The following EXOC6B variants were observed in gnomAD, a reference collection of about 807,000 sequenced individuals.
EXOC6B encodes exocyst complex component 6B.
In EXOC6B, 54 loss-of-function variants were observed where a neutral mutation model predicts 113.5. That is an observed-to-expected ratio of 0.48 (90% CI 0.38 to 0.60). EXOC6B has a LOEUF of 0.60. EXOC6B is among the 20% of genes least tolerant of loss of function. The probability of loss-of-function intolerance (pLI) is 0.00; values close to 1 mark genes in which losing one functional copy is unlikely to be tolerated. For missense variants in EXOC6B, 797 were observed against 977.5 expected (o/e 0.82, Z 2.46); for synonymous variants, 357 against 339.0 (o/e 1.05, Z -0.58).
At chr2:72,801,278 A>C (rs1237007605) in intron 1 of EXOC6B, among the ~76,000 whole-genome samples, 1 of 152,188 alleles carries the variant, frequency 6.6e-6, no homozygotes, top group Admixed American at 6.5e-5. Flanking sequence ...TGTATGTTTG[A>C]TAACATACAT....
chr2:72,546,083 C>G lies in EXOC6B; in HGVS notation c.915+13370G>C, dbSNP rs141904012. The stretch of plus-strand genomic sequence containing the variant: ...AATCTTCAGATTAGAGTGGGAGAAC[C>G]ATGTTCTAGGAAGATTATTGACCAT... On this transcript the variant is annotated intron_variant, in intron 8 of 21. Coordinates refer to ENST00000272427, the MANE Select transcript of EXOC6B (RefSeq NM_015189.3). Among the ~76,000 whole-genome samples, 419 of 152,244 alleles carry G rather than the reference C, an allele frequency of 2.8e-3. 1 individual carries two copies. The highest frequency in any genetic ancestry group is 9.7e-3 in the African/African-American group (404 of 41,548).
chr2:72,743,188 G>A (rs1318907877), intron 1 of EXOC6B, among the ~76,000 whole-genome samples: 4 of 151,914 alleles, frequency 2.6e-5, no homozygotes, highest in Non-Finnish European at 2.9e-5. Context: ...ACTAAAACAC[G>A]ATCTAAATCT....
At chr2:72,465,489 T>C in intron 17 of EXOC6B, 150 bp from the exon 18 acceptor site, 1 of 652,296 alleles carries the variant, frequency 1.5e-6, no homozygotes, top group African/African-American at 1.8e-5. Context: ...TCTTTAATTT[T>C]TTCTTTTTCA....
chr2:72,383,127 G>T (rs984788584), intron 18 of EXOC6B, among the ~76,000 whole-genome samples: 3 of 152,036 alleles, frequency 2.0e-5, no homozygotes, highest in Admixed American at 6.6e-5. Flanking sequence ...TGTAACAAAC[G>T]CAAAAACTGA....
intron 6 of EXOC6B, among the ~76,000 whole-genome samples, chr2:72,671,196 TAAAAG>T (rs1474964195): frequency 6.6e-6 from 1 of 151,880 alleles, no homozygotes; most frequent in Admixed American, 6.6e-5. Flanking sequence ...TTTGGCACAA[TAAAAG>T]AAACAATCAA....
At chr2:72,433,564 T>C (rs191501190) in intron 18 of EXOC6B, among the ~76,000 whole-genome samples, 1 of 152,230 alleles carries the variant, frequency 6.6e-6, no homozygotes, top group South Asian at 2.1e-4. Flanking sequence ...CATTTGTTTG[T>C]GTCCTCTCTT....
intron 20 of EXOC6B, among the ~76,000 whole-genome samples, chr2:72,257,150 G>C (rs1321665381): frequency 6.6e-6 from 1 of 152,118 alleles, no homozygotes; most frequent in African/African-American, 2.4e-5. Flanking sequence ...AGGTGAAACA[G>C]GTATCATTCA....
At chr2:72,301,552 A>G (rs1177079355) in intron 20 of EXOC6B, among the ~76,000 whole-genome samples, 3 of 152,092 alleles carry the variant, frequency 2.0e-5, no homozygotes, top group Non-Finnish European at 4.4e-5. Context: ...CAGGGAACCA[A>G]TTTCTTCCTG....
At chr2:72,564,392 T>G (rs2103737480) in intron 7 of EXOC6B, among the ~76,000 whole-genome samples, 1 of 152,334 alleles carries the variant, frequency 6.6e-6, no homozygotes. Flanking sequence ...GATATCTTTC[T>G]CACTAATTAT....
chr2:72,803,063 C>G (rs919127654), intron 1 of EXOC6B, among the ~76,000 whole-genome samples: 1 of 152,146 alleles, frequency 6.6e-6, no homozygotes, highest in Non-Finnish European at 1.5e-5. Flanking sequence ...CAAACAAATA[C>G]AGGTAATGTC....
At chr2:72,639,314 C>A (rs1269096071) in intron 6 of EXOC6B, among the ~76,000 whole-genome samples, 1 of 152,130 alleles carries the variant, frequency 6.6e-6, no homozygotes, top group Non-Finnish European at 1.5e-5. Flanking sequence ...TGCTGGGTGA[C>A]CACTCCTGCT....
At chr2:72,450,041 A>G (rs1696818972) in intron 18 of EXOC6B, among the ~76,000 whole-genome samples, 1 of 152,222 alleles carries the variant, frequency 6.6e-6, no homozygotes, top group African/African-American at 2.4e-5. Flanking sequence ...CAAATTAATA[A>G]GGGTCAGGAA....
chr2:72,559,112 T>C (rs1010845861), intron 8 of EXOC6B, among the ~76,000 whole-genome samples: 4 of 152,132 alleles, frequency 2.6e-5, no homozygotes, highest in African/African-American at 9.7e-5. Flanking sequence ...TCATTAGGAA[T>C]AAAAAAGTAA....
At chr2:72,652,892 T>C (rs1314463558) in intron 6 of EXOC6B, among the ~76,000 whole-genome samples, 1 of 151,206 alleles carries the variant, frequency 6.6e-6, no homozygotes, top group Non-Finnish European at 1.5e-5. Flanking sequence ...ACACCTGCAG[T>C]CCCATCATTT....
intron 18 of EXOC6B, among the ~76,000 whole-genome samples, chr2:72,455,724 G>A (rs1053879221): frequency 6.6e-6 from 1 of 151,982 alleles, no homozygotes; most frequent in African/African-American, 2.4e-5. Context: ...GAATAAATGA[G>A]AATATATATT....
Position 72,515,381 on chromosome 2 carries a change from A to G in EXOC6B, c.916-255T>C, listed in dbSNP as rs1573303678. 2.6e-6 allele frequency: 3 copies of G among 1,158,460 alleles called. No homozygotes were observed. In the East Asian group the frequency reaches 1.1e-4, roughly 42 times the overall value. The allele number at this position is 1,158,460 out of a possible 1,614,324, so 71.8% of individuals were successfully genotyped here. On this transcript the variant is annotated intron_variant, in intron 8 of 21. Coordinates refer to ENST00000272427, the MANE Select transcript of EXOC6B (RefSeq NM_015189.3). The stretch of plus-strand genomic sequence containing the variant: ...ACCAGAACTTAATCACCAGCACACC[A>G]AAGCTGGTTTCTGAATCAACTGTCT...
intron 6 of EXOC6B, among the ~76,000 whole-genome samples, chr2:72,681,656 G>A (rs971728487): frequency 3.3e-5 from 5 of 151,930 alleles, no homozygotes; most frequent in Non-Finnish European, 7.4e-5. Flanking sequence ...CTATATACTT[G>A]AGCCAACTCT....
intron 17 of EXOC6B, among the ~76,000 whole-genome samples, chr2:72,468,322 T>C (rs574924633): frequency 6.6e-6 from 1 of 152,342 alleles, no homozygotes; most frequent in African/African-American, 2.4e-5. Flanking sequence ...CTGATTTTTA[T>C]ATATGGTGTG....
At chr2:72,322,302 T>A (rs1687882898) in intron 20 of EXOC6B, among the ~76,000 whole-genome samples, 1 of 152,226 alleles carries the variant, frequency 6.6e-6, no homozygotes, top group Admixed American at 6.5e-5. Flanking sequence ...TTATGCTGAA[T>A]CAAAGAAGCC....
Sources: gnomAD v4.1 joint callset for allele counts (sites outside exome capture counted in the v4.1 genomes callset) on GRCh38, gnomAD v4.1.1 for gene constraint, MANE v1.5 for transcripts, NCBI Gene and HGNC (gene_info 2026-07-23, HGNC 2026-07-21) for gene names.